Variants in SGK3 observed in about 807,000 individuals in gnomAD.
SGK3 encodes the protein serine/threonine-protein kinase Sgk3.
Under a neutral mutation model 68.5 loss-of-function variants are expected in SGK3, and 47 were observed. The ratio of observed to expected loss-of-function variants is 0.69; its 90% CI spans 0.54 to 0.87. SGK3 has a LOEUF of 0.87. Among genes scored for constraint, SGK3 ranks in the 40% least tolerant of loss-of-function variants. The probability of loss-of-function intolerance (pLI) is 0.00; values close to 1 mark genes in which losing one functional copy is unlikely to be tolerated. For synonymous variants in SGK3, 181 were observed against 189.1 expected (o/e 0.96, Z 0.35); for missense variants, 479 against 575.5 (o/e 0.83, Z 1.72).
intron 1 of SGK3, among the ~76,000 whole-genome samples, chr8:66,783,163 C>T (rs1807060242): frequency 6.6e-6 from 1 of 152,164 alleles, no homozygotes; most frequent in Admixed American, 6.6e-5. Flanking sequence ...TGGATTCTGA[C>T]CATTTCTGAA....
chr8:66,822,176 T>C (rs1808863047), intron 5 of SGK3, among the ~76,000 whole-genome samples, 196 bp from the exon 6 acceptor site: 1 of 151,936 alleles, frequency 6.6e-6, no homozygotes, highest in Admixed American at 6.6e-5. Context: ...TGTTTGCCCA[T>C]TTGTCTATTG....
intron 1 of SGK3, among the ~76,000 whole-genome samples, chr8:66,782,255 T>A (rs186114746): frequency 2.0e-5 from 3 of 152,248 alleles, no homozygotes; most frequent in African/African-American, 7.2e-5. Flanking sequence ...ATTGTCCCCA[T>A]CCCAATTCCT....
chr8:66,835,925 C>T lies in SGK3; in HGVS notation c.610-18C>T. 1 of 1,612,430 alleles carries T rather than the reference C, an allele frequency of 6.2e-7. No individual in the cohort carries two copies. The highest frequency in any genetic ancestry group is 1.3e-5 in the African/African-American group (1 of 74,868). On this transcript the variant is annotated intron_variant, in intron 9 of 16. Coordinates refer to ENST00000521198, the MANE Select transcript of SGK3 (RefSeq NM_001033578.3). Reference sequence around the variant, plus strand: ...TTTTCTAGTGTATAATACAATTGATCTTTTGCCTTTTTTCCAGCAAAAACA... The same window carrying T: ...TTTTCTAGTGTATAATACAATTGATTTTTTGCCTTTTTTCCAGCAAAAACA...
At chr8:66,792,517 G>T (rs1393263104) in intron 1 of SGK3, among the ~76,000 whole-genome samples, 3 of 152,010 alleles carry the variant, frequency 2.0e-5, no homozygotes, top group Admixed American at 2.0e-4. Flanking sequence ...ATAGTGATCA[G>T]ATCTGTTACA....
chr8:66,717,397 C>T (rs893361317), intron 1 of SGK3, among the ~76,000 whole-genome samples: 52 of 147,938 alleles, frequency 3.5e-4, no homozygotes, highest in African/African-American at 1.3e-3. Context: ...GGGATGGTGG[C>T]GCATGCCTGT....
At chr8:66,836,755 A>T (rs1809549583) in intron 10 of SGK3, among the ~76,000 whole-genome samples, 1 of 151,172 alleles carries the variant, frequency 6.6e-6, no homozygotes. Context: ...TTCTGCCTTA[A>T]ACAAAGTCAG....
chr8:66,740,727 C>T (rs1348592874), intron 1 of SGK3, among the ~76,000 whole-genome samples: 6 of 151,692 alleles, frequency 4.0e-5, no homozygotes, highest in Admixed American at 2.0e-4. Context: ...GCCAACATGG[C>T]GAAACCCTGT....
chr8:66,790,744 A>G (rs1360515945), intron 1 of SGK3: 5 of 152,254 alleles, frequency 3.3e-5, no homozygotes, highest in African/African-American at 1.2e-4. Context: ...CCCAGCCCAC[A>G]TTGCAGTCTC....
At chr8:66,814,085 C>G (rs772794933) in intron 5 of SGK3, among the ~76,000 whole-genome samples, 157 bp downstream of exon 5, 1 of 152,036 alleles carries the variant, frequency 6.6e-6, no homozygotes, top group Non-Finnish European at 1.5e-5. Flanking sequence ...ACTCTTTCTC[C>G]CCTTTTCTCT....
At chr8:66,820,811 C>T (rs1397020850) in intron 5 of SGK3, among the ~76,000 whole-genome samples, 4 of 152,144 alleles carry the variant, frequency 2.6e-5, no homozygotes, top group African/African-American at 9.7e-5. Context: ...TCTAGTGATT[C>T]CCCTGCCTCA....
At chr8:66,770,197 G>A (rs569013392) in intron 1 of SGK3, among the ~76,000 whole-genome samples, 24 of 150,584 alleles carry the variant, frequency 1.6e-4, no homozygotes, top group East Asian at 1.0e-3. Context: ...CTCGTGATCC[G>A]CCTGCCTCGG....
At chr8:66,839,559 T>TATATA (rs1563654706) in intron 10 of SGK3, among the ~76,000 whole-genome samples, 16 of 70,338 alleles carry the variant, frequency 2.3e-4, no homozygotes, top group African/African-American at 4.3e-4. Context: ...ATATATATAT[T>TATATA]TTCATATGGG....
At chr8:66,822,901 A>G (rs780803697) in intron 6 of SGK3, among the ~76,000 whole-genome samples, 1 of 152,198 alleles carries the variant, frequency 6.6e-6, no homozygotes. Flanking sequence ...GATTACAGGC[A>G]TGAACCACTG....
chr8:66,844,280 G>T (rs972420619), intron 14 of SGK3, among the ~76,000 whole-genome samples: 2 of 151,940 alleles, frequency 1.3e-5, no homozygotes, highest in African/African-American at 2.4e-5. Flanking sequence ...TTGTTTAATA[G>T]ATTTAATTAA....
intron 1 of SGK3, among the ~76,000 whole-genome samples, chr8:66,790,325 GA>G (rs1807391579): frequency 6.6e-6 from 1 of 152,174 alleles, no homozygotes; most frequent in Non-Finnish European, 1.5e-5. Context: ...CATCCCTTGT[GA>G]AACAACTTGA....
intron 1 of SGK3, among the ~76,000 whole-genome samples, chr8:66,755,562 G>A (rs1805950715): frequency 1.3e-5 from 2 of 152,096 alleles, no homozygotes; most frequent in Non-Finnish European, 2.9e-5. Flanking sequence ...GTTGCTGCTG[G>A]TCTCAGAATC....
At chr8:66,794,843 C>G (rs972261841) in intron 2 of SGK3, among the ~76,000 whole-genome samples, 4 of 152,148 alleles carry the variant, frequency 2.6e-5, no homozygotes, top group Admixed American at 2.0e-4. Flanking sequence ...GCTGGTCTGG[C>G]AAATAGCCTG....
intron 1 of SGK3, among the ~76,000 whole-genome samples, chr8:66,739,344 G>T (rs1805416386): frequency 6.6e-6 from 1 of 152,038 alleles, no homozygotes; most frequent in Non-Finnish European, 1.5e-5. Context: ...AATTAATCCA[G>T]TCTTGTGAGA....
intron 1 of SGK3, among the ~76,000 whole-genome samples, chr8:66,742,714 C>T (rs1805518099): frequency 6.6e-6 from 1 of 152,100 alleles, no homozygotes. Context: ...ATTAATAAGT[C>T]AGTCTTTATG....
Sources: allele counts gnomAD v4.1 joint callset (sites outside exome capture counted in the v4.1 genomes callset), GRCh38; gene constraint gnomAD v4.1.1; transcripts MANE v1.5; gene names NCBI Gene and HGNC (gene_info 2026-07-23, HGNC 2026-07-21).